The following SNTG2 variants were observed in gnomAD, a reference collection of about 807,000 sequenced individuals.
SNTG2 encodes the protein gamma-2-syntrophin.
In SNTG2, 74 loss-of-function variants were observed where a neutral mutation model predicts 70.9. The observed-to-expected ratio is 1.04, with a 90% CI of 0.86 to 1.27. SNTG2 has a LOEUF of 1.27. Among genes scored for constraint, SNTG2 ranks in the 50% most tolerant of loss-of-function variants. The pLI is 0.00. For missense variants in SNTG2, 717 were observed against 690.7 expected (o/e 1.04, Z -0.43); for synonymous variants, 278 against 273.8 (o/e 1.02, Z -0.15).
intron 8 of SNTG2, among the ~76,000 whole-genome samples, chr2:1,196,610 A>AT (rs1412493049): frequency 6.6e-6 from 1 of 152,178 alleles, no homozygotes; most frequent in Non-Finnish European, 1.5e-5. Flanking sequence ...TAAAAAGAGA[A>AT]TTCTGAAAAC....
chr2:1,045,512 T>C (rs1013018413), intron 1 of SNTG2, among the ~76,000 whole-genome samples: 1 of 152,086 alleles, frequency 6.6e-6, no homozygotes, highest in Non-Finnish European at 1.5e-5. Context: ...TTGATTTGGG[T>C]GTTTAGCACC....
At chr2:1,030,701 A>G (rs917178797) in intron 1 of SNTG2, among the ~76,000 whole-genome samples, 2 of 152,216 alleles carry the variant, frequency 1.3e-5, no homozygotes, top group Admixed American at 6.5e-5. Flanking sequence ...TTATTTCAAA[A>G]TAAGTAAAAA....
chr2:1,164,162 A>G (rs986706731), intron 6 of SNTG2, among the ~76,000 whole-genome samples: 7 of 152,006 alleles, frequency 4.6e-5, no homozygotes, highest in African/African-American at 1.5e-4. Context: ...GCCTGGGAGG[A>G]TGAAGTGAGG....
rs189053378 is a variant in SNTG2 at position 1,231,871 on chromosome 2, C to G, written c.720-6017C>G. ...TGAGTGCCAGGGCTGTTAGTGCTGG[C>G]CGTGGTGGAATGAACAAATGCAGGA... On this transcript the variant is annotated intron_variant, in intron 9 of 16. Coordinates refer to ENST00000308624, the MANE Select transcript of SNTG2 (RefSeq NM_018968.4). Among the ~76,000 whole-genome samples the G allele has an allele frequency of 1.1e-4, 17 of 152,228 alleles. No individual in the cohort carries two copies. In the East Asian group the frequency reaches 3.1e-3, roughly 28 times the overall value.
intron 1 of SNTG2, among the ~76,000 whole-genome samples, chr2:996,210 ATTAAT>A (rs1249365778): frequency 6.6e-6 from 1 of 152,156 alleles, no homozygotes; most frequent in East Asian, 1.9e-4. Flanking sequence ...GTTAAAATAG[ATTAAT>A]TTAAATATTT....
chr2:997,882 C>T (rs868356023), intron 1 of SNTG2, among the ~76,000 whole-genome samples: 1 of 152,214 alleles, frequency 6.6e-6, no homozygotes, highest in South Asian at 2.1e-4. Flanking sequence ...GCTGGAACTA[C>T]ACAACCCATT....
chr2:1,296,464 C>A (rs1680221906), intron 14 of SNTG2, among the ~76,000 whole-genome samples: 1 of 152,230 alleles, frequency 6.6e-6, no homozygotes, highest in Admixed American at 6.5e-5. Context: ...CGCTACCTGC[C>A]CCTTAGGCAT....
intron 12 of SNTG2, among the ~76,000 whole-genome samples, chr2:1,252,098 G>A (rs1047773959): frequency 2.6e-5 from 4 of 152,204 alleles, no homozygotes; most frequent in Non-Finnish European, 4.4e-5. Context: ...GAGAGCTCCC[G>A]ATGCTGTGAG....
At chr2:1,248,915 A>G (rs1342650473) in intron 12 of SNTG2, among the ~76,000 whole-genome samples, 1 of 152,098 alleles carries the variant, frequency 6.6e-6, no homozygotes, top group Admixed American at 6.5e-5. Flanking sequence ...TAATTCAATA[A>G]CCATTGAAAA....
At chr2:1,077,217 G>A (rs1004540558) in intron 1 of SNTG2, among the ~76,000 whole-genome samples, 1 of 152,156 alleles carries the variant, frequency 6.6e-6, no homozygotes, top group East Asian at 1.9e-4. Flanking sequence ...CATTAAAACC[G>A]AGGCCTAGTC....
chr2:1,180,640 C>G (rs1370629915), intron 8 of SNTG2, among the ~76,000 whole-genome samples: 1 of 149,302 alleles, frequency 6.7e-6, no homozygotes, highest in Non-Finnish European at 1.5e-5. Flanking sequence ...CTAGTTCAAC[C>G]ATTGTGGAAG....
rs1421500997 is a variant in SNTG2, at chr2:962,373, C to T, written c.72+11305C>T. ...AGGTGTGAGCCACCATGCCCAGCCC[C>T]AAGATAAGTTTCGTACCATACAAGA... On this transcript the variant is annotated intron_variant, in intron 1 of 16. Transcript: ENST00000308624. Among the ~76,000 whole-genome samples, 7 of 152,134 alleles carry T rather than the reference C, an allele frequency of 4.6e-5. No homozygotes were observed. The East Asian group carries it at 7.7e-4, about 17-fold the overall frequency.
chr2:1,336,053 A>G (rs562157043), intron 16 of SNTG2, among the ~76,000 whole-genome samples: 5 of 152,332 alleles, frequency 3.3e-5, no homozygotes, highest in Admixed American at 2.0e-4. Context: ...TAGTCTTGAA[A>G]TTAAAATACT....
At chr2:1,196,202 A>G (rs1558517588) in intron 8 of SNTG2, among the ~76,000 whole-genome samples, 2 of 152,332 alleles carry the variant, frequency 1.3e-5, no homozygotes, top group East Asian at 3.9e-4. Context: ...CAGAAATCTT[A>G]GAACTCAATA....
chr2:1,241,473 T>A (rs67757381), intron 11 of SNTG2, among the ~76,000 whole-genome samples: 30,341 of 128,852 alleles, frequency 0.24, 4,428 homozygotes, highest in African/African-American at 0.43. Flanking sequence ...TTCTTTTTTT[T>A]TTATTATTAT....
chr2:972,303 T>A (rs1660769268), intron 1 of SNTG2, among the ~76,000 whole-genome samples: 1 of 152,212 alleles, frequency 6.6e-6, no homozygotes, highest in African/African-American at 2.4e-5. Context: ...GTTTTATGAA[T>A]CTGGGTGCTC....
At chr2:1,357,183 A>T (rs1210546642) in intron 16 of SNTG2, among the ~76,000 whole-genome samples, 1 of 152,088 alleles carries the variant, frequency 6.6e-6, no homozygotes, top group Admixed American at 6.5e-5. Flanking sequence ...TCTGGCTAGG[A>T]TGTCTAGCGC....
chr2:1,180,270 G>A (rs1383335159), intron 8 of SNTG2, among the ~76,000 whole-genome samples: 3 of 130,272 alleles, frequency 2.3e-5, no homozygotes, highest in Admixed American at 8.6e-5. Context: ...TACCATCAGA[G>A]TGAACAGGCA....
At chr2:1,361,190 A>G (rs4267550) in intron 16 of SNTG2, among the ~76,000 whole-genome samples, 109,667 of 151,998 alleles carry the variant, frequency 0.72, 39,857 homozygotes, top group East Asian at 0.94. Flanking sequence ...TTAAATAAAC[A>G]TGTAAACATC....
Sources: gnomAD v4.1 joint callset for allele counts (sites outside exome capture counted in the v4.1 genomes callset) on GRCh38, gnomAD v4.1.1 for gene constraint, MANE v1.5 for transcripts, NCBI Gene and HGNC (gene_info 2026-07-23, HGNC 2026-07-21) for gene names.